RBFOX1: variants seen among roughly 807,000 people sequenced by gnomAD.
RBFOX1 encodes the protein RNA binding fox-1 homolog 1.
Under a neutral mutation model 57.7 loss-of-function variants are expected in RBFOX1, and 8 were observed. The ratio of observed to expected loss-of-function variants is 0.14; its 90% CI spans 0.08 to 0.25. The LOEUF is 0.25. Ranked by LOEUF, RBFOX1 falls within the 10% of genes least tolerant of loss-of-function variation. The pLI is 1.00. For synonymous variants in RBFOX1, 326 were observed against 222.4 expected, an observed-to-expected ratio of 1.47 and a Z score of -4.15; for missense variants, 611 against 548.5, an observed-to-expected ratio of 1.11 and a Z score of -1.14.
At chr16:6,721,779 C>A (rs1383359375) in intron 3 of RBFOX1, 1 of 152,232 alleles carries the variant, frequency 6.6e-6, no homozygotes, top group East Asian at 1.9e-4. Context: ...ACTGGCCCTG[C>A]AGCTGCTTCC....
intron 1 of RBFOX1, among the ~76,000 whole-genome samples, chr16:6,030,744 C>T (rs2095276210): frequency 6.6e-6 from 1 of 152,178 alleles, no homozygotes. Context: ...TTTTGAGTCC[C>T]AACAGTGCAA....
At chr16:6,859,458 G>C (rs1403991454) in intron 3 of RBFOX1, among the ~76,000 whole-genome samples, 1 of 151,878 alleles carries the variant, frequency 6.6e-6, no homozygotes, top group African/African-American at 2.4e-5. Flanking sequence ...AACTTGATAA[G>C]CAGAAGAACA....
At chr16:6,273,632 C>A (rs1013258173) in intron 1 of RBFOX1, among the ~76,000 whole-genome samples, 3 of 152,032 alleles carry the variant, frequency 2.0e-5, no homozygotes, top group African/African-American at 7.2e-5. Context: ...AGGCGTGAGC[C>A]ACCATGCTTG....
intron 1 of RBFOX1, among the ~76,000 whole-genome samples, chr16:6,075,169 C>G (rs562406720): frequency 6.6e-6 from 1 of 152,280 alleles, no homozygotes; most frequent in East Asian, 1.9e-4. Flanking sequence ...TGAACAACGT[C>G]AGACACGAAG....
At chr16:6,551,200 C>G (rs897770402) in intron 2 of RBFOX1, among the ~76,000 whole-genome samples, 2 of 152,196 alleles carry the variant, frequency 1.3e-5, no homozygotes, top group African/African-American at 4.8e-5. Context: ...TAAGCAGCTT[C>G]TCACTAATTC....
intron 3 of RBFOX1, among the ~76,000 whole-genome samples, chr16:6,774,771 C>T (rs1027332860): frequency 3.3e-5 from 5 of 151,928 alleles, no homozygotes; most frequent in African/African-American, 1.2e-4. Context: ...GAACTTTCTG[C>T]AATGGTGGGA....
At chr16:6,541,362 TGC>T (rs1222490739) in intron 2 of RBFOX1, among the ~76,000 whole-genome samples, 2 of 152,228 alleles carry the variant, frequency 1.3e-5, no homozygotes, top group Non-Finnish European at 2.9e-5. Context: ...ACTTACCCAA[TGC>T]CAGACACTGT....
At chr16:5,856,555 G>GTGTGTA (rs1555547836) in intron 3 of RBFOX1, among the ~76,000 whole-genome samples, 11 of 58,116 alleles carry the variant, frequency 1.9e-4, no homozygotes, top group African/African-American at 4.1e-4. Flanking sequence ...GTGTGTGTGT[G>GTGTGTA]TGTGTGTATG....
At chr16:6,510,935 A>G (rs1320895108) in intron 2 of RBFOX1, among the ~76,000 whole-genome samples, 1 of 152,084 alleles carries the variant, frequency 6.6e-6, no homozygotes, top group Non-Finnish European at 1.5e-5. Flanking sequence ...ATGAAAGACA[A>G]GGAGTGGATT....
At position 6,496,955 on chromosome 16, in the gene RBFOX1, C is replaced by T. The variant is rs954923012; in HGVS notation, c.-63-157648C>T. ...AGCCTGGGCAACAAGAGAGAAACTC[C>T]GTCTTCGGAAAAAAAGACAAAAAGA... On this transcript the variant is annotated intron_variant, in intron 2 of 15. Coordinates refer to ENST00000550418, the MANE Select transcript of RBFOX1 (RefSeq NM_018723.4). 4.6e-5 allele frequency among the ~76,000 whole-genome samples: 7 copies of T among 151,826 alleles called. No homozygotes were observed. The East Asian group carries it at 5.8e-4, about 13-fold the overall frequency.
chr16:6,325,654 C>G (rs550653571), intron 2 of RBFOX1, among the ~76,000 whole-genome samples: 1 of 152,218 alleles, frequency 6.6e-6, no homozygotes, highest in South Asian at 2.1e-4. Flanking sequence ...ATGGAAGTCA[C>G]AAAGGATGAA....
intron 4 of RBFOX1, among the ~76,000 whole-genome samples, chr16:5,934,319 G>C (rs2059126166): frequency 6.6e-6 from 1 of 152,224 alleles, no homozygotes; most frequent in Non-Finnish European, 1.5e-5. Flanking sequence ...GTGGTACCCA[G>C]CTCATTGTGT....
chr16:5,943,626 CTTG>C (rs2059326617), intron 4 of RBFOX1, among the ~76,000 whole-genome samples: 1 of 152,148 alleles, frequency 6.6e-6, no homozygotes, highest in South Asian at 2.1e-4. Flanking sequence ...TTCTCTGCAT[CTTG>C]ATTGATTTAT....
chr16:6,092,155 A>G (rs2096184872), intron 1 of RBFOX1, among the ~76,000 whole-genome samples: 1 of 152,212 alleles, frequency 6.6e-6, no homozygotes, highest in Non-Finnish European at 1.5e-5. Flanking sequence ...GGTGTGAGGG[A>G]ACTAATAAAT....
chr16:7,478,633 A>G (rs931953328), intron 4 of RBFOX1, among the ~76,000 whole-genome samples: 5 of 152,134 alleles, frequency 3.3e-5, no homozygotes, highest in African/African-American at 4.8e-5. Context: ...AAATGATTCA[A>G]CTTATTTCAG....
chr16:5,721,522 G>A (rs1049978417), intron 3 of RBFOX1, among the ~76,000 whole-genome samples: 3 of 152,136 alleles, frequency 2.0e-5, no homozygotes, highest in Non-Finnish European at 4.4e-5. Flanking sequence ...TGAGATGACA[G>A]TACCCACCTT....
intron 3 of RBFOX1, among the ~76,000 whole-genome samples, chr16:6,974,629 G>A (rs1351288920): frequency 3.3e-5 from 5 of 152,052 alleles, no homozygotes; most frequent in Non-Finnish European, 5.9e-5. Context: ...ACAGGCGTGA[G>A]TCACTGCACC....
At chr16:7,567,369 A>ATG (rs2092048757) in intron 5 of RBFOX1, among the ~76,000 whole-genome samples, 1 of 143,516 alleles carries the variant, frequency 7.0e-6, no homozygotes, top group South Asian at 2.2e-4. Flanking sequence ...ATGGCCCTAT[A>ATG]TATATATCCC....
intron 4 of RBFOX1, among the ~76,000 whole-genome samples, chr16:7,397,864 G>C (rs1224302153): frequency 6.6e-6 from 1 of 152,028 alleles, no homozygotes; most frequent in South Asian, 2.1e-4. Context: ...TTAGTCTATT[G>C]GAACCTTAGT....
Sources: gnomAD v4.1 joint callset for allele counts (sites outside exome capture counted in the v4.1 genomes callset) on GRCh38, gnomAD v4.1.1 for gene constraint, MANE v1.5 for transcripts, NCBI Gene and HGNC (gene_info 2026-07-23, HGNC 2026-07-21) for gene names.